The following FSD2 variants were observed in gnomAD, a reference collection of about 807,000 sequenced individuals.
FSD2 encodes fibronectin type III and SPRY domain containing 2.
FSD2 carries 71 observed loss-of-function variants against 80.4 expected under a neutral mutation model. The observed-to-expected ratio is 0.88, with a 90% CI of 0.73 to 1.08. The LOEUF is 1.08. Ranked by LOEUF, FSD2 falls within the 50% of genes least tolerant of loss-of-function variation. The pLI is 0.00. For missense variants in FSD2, 923 were observed against 913.8 expected (o/e 1.01, Z -0.13); for synonymous variants, 361 against 329.5 (o/e 1.10, Z -1.03).
chr15:82,783,776 C>T (rs2049929780), intron 3 of FSD2, among the ~76,000 whole-genome samples: 1 of 151,934 alleles, frequency 6.6e-6, no homozygotes, highest in Non-Finnish European at 1.5e-5. Flanking sequence ...TTGGATCATA[C>T]AAATATCAAG....
At chr15:82,795,412 C>A (rs1416918341) in intron 1 of FSD2, among the ~76,000 whole-genome samples, 1 of 152,038 alleles carries the variant, frequency 6.6e-6, no homozygotes, top group African/African-American at 2.4e-5. Context: ...TGAGAATGAA[C>A]ATTCCAATTC....
chr15:82,786,861 T>G lies in FSD2; in HGVS notation c.530A>C (p.Asp177Ala), dbSNP rs1210920953. Residue 177 changes from aspartate (D) to alanine (A), a missense_variant, in exon 2 of 13, where the codon GAT becomes GCT. By Grantham distance (126) the Asp-to-Ala change is moderately radical (BLOSUM62 -2). Coordinates refer to ENST00000334574, the MANE Select transcript of FSD2 (RefSeq NM_001007122.4). ...PEEEDEEEAA[D>A]VFCVTCKTPI... ...AGTCTTACAAGTGACACAGAAGACA[T>G]CAGCAGCTTCTTCTTCATCCTCTTC... 1.9e-6 allele frequency: 3 copies of G among 1,613,902 alleles called. No individual in the cohort carries two copies. The highest frequency in any genetic ancestry group is 2.5e-6 in the Non-Finnish European group (3 of 1,179,906).
At chr15:82,760,093 C>T (rs1168598152) in intron 12 of FSD2, among the ~76,000 whole-genome samples, 10 of 152,118 alleles carry the variant, frequency 6.6e-5, no homozygotes, top group Admixed American at 5.2e-4. Flanking sequence ...TGCTTCTGGC[C>T]GAAACATTTT....
intron 6 of FSD2, among the ~76,000 whole-genome samples, chr15:82,777,632 G>A (rs1362194147): frequency 6.6e-6 from 1 of 152,126 alleles, no homozygotes; most frequent in Non-Finnish European, 1.5e-5. Context: ...GATCACTTGA[G>A]GTCAGGAGTT....
intron 11 of FSD2, among the ~76,000 whole-genome samples, chr15:82,764,721 G>A (rs1443989972): frequency 6.6e-6 from 1 of 151,834 alleles, no homozygotes; most frequent in African/African-American, 2.4e-5. Flanking sequence ...CAGGTGATCT[G>A]CCTGCCTCGG....
chr15:82,802,090 T>C (rs765357995), intron 1 of FSD2, among the ~76,000 whole-genome samples: 37 of 152,198 alleles, frequency 2.4e-4, no homozygotes, highest in Admixed American at 1.9e-3. Context: ...CTGTCTACCA[T>C]TAGGCTCTGG....
At position 82,786,494 on chromosome 15, in the gene FSD2, T is replaced by C; in HGVS notation, c.735+17A>G. 6.3e-7 allele frequency: 1 copy of C among 1,592,196 alleles called. No individual in the cohort carries two copies. Among genetic ancestry groups the C allele is most frequent in the South Asian group, 1.1e-5 (1 of 90,180 alleles). ...GAAGAAATGTGAGTCTGATGAGGTC[T>C]TCAAGTGTGCTCTTACCTCCACAGT... is the stretch of plus-strand genomic sequence containing the variant. On this transcript the variant is annotated intron_variant, in intron 3 of 12. Coordinates refer to ENST00000334574, the MANE Select transcript of FSD2 (RefSeq NM_001007122.4).
In FSD2 at chr15:82,759,401, A is replaced by G. The variant is rs774837721; in HGVS notation, c.2197T>C (p.Cys733Arg). 5 of 1,613,742 alleles carry G rather than the reference A, an allele frequency of 3.1e-6. No individual in the cohort carries two copies. Among genetic ancestry groups the G allele is most frequent in the Non-Finnish European group, 4.2e-6 (5 of 1,179,780 alleles). ...GAAATGCCATTATGTACCTTTAGAC[A>G]CCCAGGCTTTTCCAAAGAAAAACAG... The part of the protein sequence containing the change: ...HPCFSLEKPG[C>R]LKVHNGISMP... The change falls in exon 13 of 13, where the codon TGT (cysteine) becomes CGT (arginine). Residue 733 changes from cysteine to arginine, a missense_variant. By Grantham distance (180) the Cys-to-Arg change is radical. Coordinates refer to ENST00000334574, the MANE Select transcript of FSD2 (RefSeq NM_001007122.4).
chr15:82,798,638 C>G (rs769269267), intron 1 of FSD2, among the ~76,000 whole-genome samples: 4 of 152,100 alleles, frequency 2.6e-5, no homozygotes, highest in Admixed American at 2.0e-4. Context: ...ATCCAGTTTT[C>G]CTTAACTTCC....
At position 82,786,521 on chromosome 15, in the gene FSD2, A is replaced by G; in HGVS notation, c.725T>C (p.Ile242Thr). The G allele has an allele frequency of 6.2e-7, 1 of 1,612,904 alleles. No homozygotes were observed. Among genetic ancestry groups the G allele is most frequent in the East Asian group, 2.2e-5 (1 of 44,878 alleles). The change falls in exon 3 of 13, where the codon ATC (isoleucine) becomes ACC (threonine). Residue 242 changes from isoleucine to threonine, a missense_variant. Physicochemically the swap from Ile to Thr is moderately conservative, Grantham distance 89. Coordinates refer to ENST00000334574, the MANE Select transcript of FSD2 (RefSeq NM_001007122.4). ...NFANHLEEVF[I>T]TVEENFGKQE... ...CAAGTGTGCTCTTACCTCCACAGTG[A>G]TGAAAACCTCCTCCAAATGATTTGC...
chr15:82,760,865 C>G (rs183066972), intron 12 of FSD2, among the ~76,000 whole-genome samples: 2 of 152,234 alleles, frequency 1.3e-5, no homozygotes, highest in Non-Finnish European at 2.9e-5. Context: ...TGTCTTCTTA[C>G]CCCCTTTATT....
intron 9 of FSD2, among the ~76,000 whole-genome samples, chr15:82,768,160 A>AT (rs1351090339): frequency 6.6e-6 from 1 of 152,228 alleles, no homozygotes; most frequent in Non-Finnish European, 1.5e-5. Context: ...TAGATGAAAC[A>AT]TTCTTTGTAC....
In FSD2 at chr15:82,765,948, T is replaced by G. The variant is rs1309649617; in HGVS notation, c.1637A>C (p.Asn546Thr). 1 of 1,608,446 alleles carries G rather than the reference T, an allele frequency of 6.2e-7. No individual in the cohort carries two copies. The highest frequency in any genetic ancestry group is 8.5e-7 in the Non-Finnish European group (1 of 1,178,216). The change falls in exon 10 of 13, where the codon AAT becomes ACT. Residue 546 changes from asparagine (N) to threonine (T), a missense_variant. Physicochemically the swap from Asn to Thr is moderately conservative, Grantham distance 65. Transcript: ENST00000334574. ...RSYIIYVRALNMGGPSVRSEP... is the reference protein window; with the variant it reads ...RSYIIYVRALTMGGPSVRSEP... ...GCTCCTCACGCTGGGGCCCCCCATATTGAGGGCTCGCACATAGATAATGTA... is the reference window on the plus strand; with the variant it reads ...GCTCCTCACGCTGGGGCCCCCCATAGTGAGGGCTCGCACATAGATAATGTA...
rs201688440 is a variant in FSD2, at chr15:82,778,781, T to G, written c.1096A>C (p.Ile366Leu). 3 of 1,612,044 alleles carry G rather than the reference T, an allele frequency of 1.9e-6. No homozygotes were observed. The highest frequency in any genetic ancestry group is 2.5e-6 in the Non-Finnish European group (3 of 1,178,944). Residue 366 changes from isoleucine to leucine, a missense_variant, in exon 6 of 13, where the codon ATT becomes CTT. Coordinates refer to ENST00000334574, the MANE Select transcript of FSD2 (RefSeq NM_001007122.4). ...FSDVEQLMGS[I>L]NTIPAPSAPV... The stretch of plus-strand genomic sequence containing the variant: ...AGGTGAGCACCTGGAATGGTGTTAA[T>G]GGAGCCCATCAGCTGCTCCACATCA...
intron 10 of FSD2, 79 bp downstream of exon 10, chr15:82,765,819 A>G (rs957374294): frequency 6.0e-6 from 9 of 1,487,942 alleles, no homozygotes; most frequent in Non-Finnish European, 8.1e-6. Flanking sequence ...TCAATTTCCC[A>G]GTGAAGTCAT....
chr15:82,790,646 G>T (rs2151527397), intron 1 of FSD2, among the ~76,000 whole-genome samples: 1 of 151,710 alleles, frequency 6.6e-6, no homozygotes, highest in East Asian at 2.0e-4. Flanking sequence ...CGCGATCTCG[G>T]CTCACTGCAA....
rs12442479 is a variant in FSD2 at position 82,794,754 on chromosome 15, T to G, written c.-78-7286A>C. On this transcript the variant is annotated intron_variant, in intron 1 of 12. Coordinates refer to ENST00000334574, the MANE Select transcript of FSD2 (RefSeq NM_001007122.4). ...TTTTTTTTTTTTTTGAGAAGGAGTC[T>G]CGCTCTGTCACCCAGGTTGGAGTTC... 5.7e-3 allele frequency among the ~76,000 whole-genome samples: 851 copies of G among 150,306 alleles called. 23 individuals carry two copies. The highest frequency in any genetic ancestry group is 0.049 in the Admixed American group (736 of 14,998).
chr15:82,786,434 A>C, intron 3 of FSD2, 77 bp downstream of exon 3: 1 of 1,088,946 alleles, frequency 9.2e-7, no homozygotes, highest in South Asian at 1.3e-5. Context: ...TCTCTAGCTC[A>C]TACCAGAAAC....
chr15:82,756,756 G>A lies in FSD2; in HGVS notation c.*2592C>T, dbSNP rs1014838513. The A allele has an allele frequency of 2.0e-5, 3 of 152,202 alleles. No homozygotes were observed. The highest frequency in any genetic ancestry group is 6.5e-5 in the Admixed American group (1 of 15,274). The allele number at this position is 152,202 out of a possible 1,614,324, so 9.4% of individuals were successfully genotyped here. On this transcript the variant is annotated 3_prime_UTR_variant, in exon 13 of 13. Transcript: ENST00000334574. ...TGGGGAGGCCACAGCTTATGTGAAT[G>A]ACTTTCTCAGGAGTTATAAAGTGAT...
Sources: allele counts gnomAD v4.1 joint callset (sites outside exome capture counted in the v4.1 genomes callset), GRCh38; gene constraint gnomAD v4.1.1; transcripts MANE v1.5; gene names NCBI Gene and HGNC (gene_info 2026-07-23, HGNC 2026-07-21).